NOS1AP: variants seen among roughly 807,000 people sequenced by gnomAD.
NOS1AP encodes nitric oxide synthase 1 adaptor protein.
NOS1AP carries 21 observed loss-of-function variants against 56.2 expected under a neutral mutation model. That is an observed-to-expected ratio of 0.37 (90% CI 0.26 to 0.54). NOS1AP has a LOEUF of 0.54. Ranked by LOEUF, NOS1AP falls within the 20% of genes least tolerant of loss-of-function variation. The pLI, the probability that NOS1AP is intolerant of heterozygous loss-of-function variation, is 0.84. For missense variants in NOS1AP, 522 were observed against 657.8 expected, an observed-to-expected ratio of 0.79 and a Z score of 2.26; for synonymous variants, 270 against 274.6, an observed-to-expected ratio of 0.98 and a Z score of 0.17.
intron 1 of NOS1AP, among the ~76,000 whole-genome samples, chr1:162,096,678 A>G (rs570894547): frequency 6.6e-6 from 1 of 152,290 alleles, no homozygotes; most frequent in Admixed American, 6.5e-5. Flanking sequence ...ATGTTTTTAC[A>G]TTTTATTTAA....
chr1:162,328,000 G>T (rs1366948678), intron 4 of NOS1AP, among the ~76,000 whole-genome samples: 1 of 152,170 alleles, frequency 6.6e-6, no homozygotes, highest in Non-Finnish European at 1.5e-5. Context: ...TTTAGATGAG[G>T]AAATGAAGGA....
chr1:162,240,635 T>C (rs958572764), intron 2 of NOS1AP, among the ~76,000 whole-genome samples: 11 of 152,202 alleles, frequency 7.2e-5, no homozygotes, highest in Non-Finnish European at 1.2e-4. Context: ...GGAGTAAAGA[T>C]AAAACATCAG....
At position 162,121,082 on chromosome 1, in the gene NOS1AP, A is replaced by ATTT. The variant is rs372854857; in HGVS notation, c.106-33304_106-33302dup. Among the ~76,000 whole-genome samples the ATTT allele has an allele frequency of 7.3e-3, 750 of 103,018 alleles. 9 individuals carry two copies. The highest frequency in any genetic ancestry group is 0.025 in the African/African-American group (696 of 27,824). 67.6% of individuals were successfully genotyped at this position (103,018 alleles called of 152,430 possible). A position where few individuals can be genotyped will look rare whatever the true frequency, so the allele number is the denominator to read the frequency against. ...CTGCTAAAGAACTTGGCACACTAGGATTTTTTTTTTTTTTTTTTTTTCATT... is the reference window on the plus strand; with the variant it reads ...CTGCTAAAGAACTTGGCACACTAGGATTTTTTTTTTTTTTTTTTTTTTTTCATT... On this transcript the variant is annotated intron_variant, in intron 1 of 9. Transcript: ENST00000361897.
At chr1:162,360,142 A>G (rs1031031375) in intron 8 of NOS1AP, among the ~76,000 whole-genome samples, 1 of 151,800 alleles carries the variant, frequency 6.6e-6, no homozygotes, top group African/African-American at 2.4e-5. Flanking sequence ...CCTCACCCTA[A>G]ATTGGTTCTG....
At chr1:162,098,495 GTT>G (rs35614265) in intron 1 of NOS1AP, among the ~76,000 whole-genome samples, 81 of 148,058 alleles carry the variant, frequency 5.5e-4, no homozygotes, top group African/African-American at 1.6e-3. Context: ...TAACGGTGTC[GTT>G]TTTTTTTTTT....
intron 2 of NOS1AP, among the ~76,000 whole-genome samples, chr1:162,180,721 AACG>A (rs1294266060): frequency 1.3e-5 from 2 of 152,164 alleles, no homozygotes; most frequent in African/African-American, 4.8e-5. Flanking sequence ...CAGTTCTGCC[AACG>A]ACAACGTGAG....
intron 8 of NOS1AP, among the ~76,000 whole-genome samples, chr1:162,357,471 T>G (rs1020503057): frequency 8.5e-5 from 13 of 152,122 alleles, no homozygotes; most frequent in Non-Finnish European, 1.8e-4. Flanking sequence ...TCCTGATATT[T>G]GGGGTGGAAA....
chr1:162,092,509 A>G (rs1044362327), intron 1 of NOS1AP, among the ~76,000 whole-genome samples: 2 of 152,174 alleles, frequency 1.3e-5, no homozygotes, highest in Admixed American at 6.5e-5. Context: ...TATTCACTGA[A>G]TAAGAGTTTA....
chr1:162,163,732 T>C (rs1167155110), intron 2 of NOS1AP, among the ~76,000 whole-genome samples: 1 of 152,100 alleles, frequency 6.6e-6, no homozygotes, highest in African/African-American at 2.4e-5. Flanking sequence ...AGAAGGCTAG[T>C]GTGAATAGAG....
Position 162,367,113 on chromosome 1 carries a change from T to C in NOS1AP, c.1167T>C (p.Cys389=), listed in dbSNP as rs774358427. The C allele has an allele frequency of 4.0e-5, 65 of 1,613,916 alleles. No homozygotes were observed. Among genetic ancestry groups the C allele is most frequent in the Non-Finnish European group, 5.2e-5 (61 of 1,180,000 alleles). ...GCTCCGGAGCCCTGCCCGTGCTCTGTGACCCCACGACCCCTAAGCCAGAGG... is the reference window on the plus strand; with the variant it reads ...GCTCCGGAGCCCTGCCCGTGCTCTGCGACCCCACGACCCCTAAGCCAGAGG... ...TFRSGALPVL[C]DPTTPKPEDL... The change falls in exon 10 of 10, where the codon TGT becomes TGC. Residue 389 remains cysteine, a synonymous_variant. Coordinates refer to ENST00000361897, the MANE Select transcript of NOS1AP (RefSeq NM_014697.3). This position sits in a 1 kb window ranked among gnomAD's most constrained non-coding sequence, Gnocchi z 6.5.
intron 2 of NOS1AP, among the ~76,000 whole-genome samples, chr1:162,240,309 C>T (rs991400786): frequency 6.6e-6 from 1 of 150,684 alleles, no homozygotes; most frequent in Middle Eastern, 3.2e-3. Context: ...TCACCTGGCA[C>T]GTGGATTGGG....
intron 1 of NOS1AP, among the ~76,000 whole-genome samples, chr1:162,116,409 C>T (rs1435076306): frequency 6.6e-6 from 1 of 152,168 alleles, no homozygotes; most frequent in Non-Finnish European, 1.5e-5. Flanking sequence ...GATGGTGACC[C>T]TTCGCTCCCC....
chr1:162,213,296 C>A (rs1204931123), intron 2 of NOS1AP, among the ~76,000 whole-genome samples: 1 of 152,206 alleles, frequency 6.6e-6, no homozygotes, highest in East Asian at 1.9e-4. Flanking sequence ...CTGTCTGAGA[C>A]CCTTTCCTTC....
intron 1 of NOS1AP, among the ~76,000 whole-genome samples, chr1:162,113,928 A>C (rs1278696156): frequency 6.6e-6 from 1 of 151,870 alleles, no homozygotes; most frequent in Non-Finnish European, 1.5e-5. Context: ...AAAAAAAAAA[A>C]CAATTTTATG....
intron 2 of NOS1AP, among the ~76,000 whole-genome samples, chr1:162,268,630 G>A (rs1654495322): frequency 6.6e-6 from 1 of 152,138 alleles, no homozygotes; most frequent in African/African-American, 2.4e-5. Context: ...ATAGAAGGAG[G>A]AAGCTGAAGA....
At position 162,358,120 on chromosome 1, in the gene NOS1AP, T is replaced by C. The variant is rs566556870; in HGVS notation, c.939+984T>C. On this transcript the variant is annotated intron_variant, in intron 8 of 9. Transcript: ENST00000361897. ...ACCAGACTGTTGACCACTTAGGTTT[T>C]CTGCATTCTAGAATGGCGGGGAGCA... Among the ~76,000 whole-genome samples, 8 of 152,334 alleles carry C rather than the reference T, an allele frequency of 5.3e-5. No homozygotes were observed. In the South Asian group the frequency reaches 1.5e-3, roughly 28 times the overall value.
Position 162,355,285 on chromosome 1 carries a change from G to A in NOS1AP, c.694G>A (p.Glu232Lys), listed in dbSNP as rs1657665565. 1.9e-6 allele frequency: 3 copies of A among 1,614,124 alleles called. No individual in the cohort carries two copies. Among genetic ancestry groups the A allele is most frequent in the Non-Finnish European group, 2.5e-6 (3 of 1,180,020 alleles). Residue 232 changes from glutamate (E) to lysine (K), a missense_variant, in exon 7 of 10, where the codon GAA (glutamate) becomes AAA (lysine). Glu to Lys is a moderately conservative substitution (Grantham distance 56). This residue lies in a region of NOS1AP where 178 missense variants were observed against 165.0 expected (regional missense o/e 1.08). Transcript: ENST00000361897. Reference sequence around the variant, plus strand: ...CCCACTTCCAGGGAATGATGTCCTGGAATTCAGCCGAGGTGTGACTGATCT... The same window carrying A: ...CCCACTTCCAGGGAATGATGTCCTGAAATTCAGCCGAGGTGTGACTGATCT... ...EVPLPGNDVL[E>K]FSRGVTDLDA...
At chr1:162,362,764 G>T (rs1336318988) in intron 8 of NOS1AP, among the ~76,000 whole-genome samples, 1 of 152,204 alleles carries the variant, frequency 6.6e-6, no homozygotes. Flanking sequence ...TTATCTGTGG[G>T]CTTCCCATAG....
At chr1:162,087,758 A>G (rs1044240737) in intron 1 of NOS1AP, among the ~76,000 whole-genome samples, 1 of 152,172 alleles carries the variant, frequency 6.6e-6, no homozygotes. Flanking sequence ...AGATCAATTA[A>G]AGCAAACAGC....
Sources: gnomAD v4.1 joint callset for allele counts (sites outside exome capture counted in the v4.1 genomes callset) on GRCh38, gnomAD v4.1.1 for gene constraint, gnomAD v4.1.1 regional missense constraint, Gnocchi (gnomAD v3.1) non-coding constraint, MANE v1.5 for transcripts, NCBI Gene and HGNC (gene_info 2026-07-23, HGNC 2026-07-21) for gene names.